The following TYW1B variants were observed in gnomAD, a reference collection of about 807,000 sequenced individuals.
TYW1B encodes S-adenosyl-L-methionine-dependent tRNA 4-demethylwyosine synthase TYW1B.
A neutral mutation model predicts 86.9 loss-of-function variants in TYW1B; 73 were observed. That is an observed-to-expected ratio of 0.84 (90% CI 0.70 to 1.02). The LOEUF is 1.02. Among genes scored for constraint, TYW1B ranks in the 50% least tolerant of loss-of-function variants. The pLI, the probability that TYW1B is intolerant of heterozygous loss-of-function variation, is 0.00. For synonymous variants in TYW1B, 248 were observed against 292.8 expected, an observed-to-expected ratio of 0.85 and a Z score of 1.56; for missense variants, 637 against 827.4, an observed-to-expected ratio of 0.77 and a Z score of 2.82.
In TYW1B at chr7:72,634,770, T is replaced by C. The variant is rs558637517; in HGVS notation, c.1507-5773A>G. On this transcript the variant is annotated intron_variant, in intron 11 of 13. Transcript: ENST00000620995. Reference sequence around the variant, plus strand: ...GCTGAGTTCATATGTTTTCTGGCTATCTGTATCTCTGTTTTTGTGAAGTAC... The same window carrying C: ...GCTGAGTTCATATGTTTTCTGGCTACCTGTATCTCTGTTTTTGTGAAGTAC... Among the ~76,000 whole-genome samples the C allele has an allele frequency of 3.3e-5, 5 of 152,324 alleles. No homozygotes were observed. In the East Asian group the frequency reaches 5.8e-4, roughly 18 times the overall value.
intron 7 of TYW1B, among the ~76,000 whole-genome samples, chr7:72,776,718 A>G (rs1282744781): frequency 2.6e-4 from 39 of 151,772 alleles, no homozygotes; most frequent in African/African-American, 8.7e-4. Flanking sequence ...GAAATAAAAA[A>G]GCAGATGAAA....
intron 12 of TYW1B, among the ~76,000 whole-genome samples, chr7:72,625,899 G>GGT (rs1432032673): frequency 2.4e-5 from 2 of 83,172 alleles, no homozygotes; most frequent in Admixed American, 2.4e-4. Context: ...GGTGGGGCGG[G>GGT]GGGGGGGGAA....
chr7:72,671,382 A>T (rs1554446325), intron 11 of TYW1B, among the ~76,000 whole-genome samples: 1 of 152,190 alleles, frequency 6.6e-6, no homozygotes, highest in Non-Finnish European at 1.5e-5. Flanking sequence ...CTGGCTCCTG[A>T]CTGATGGATA....
chr7:72,717,246 A>G (rs1370433797), intron 9 of TYW1B, among the ~76,000 whole-genome samples: 5 of 151,338 alleles, frequency 3.3e-5, no homozygotes, highest in Admixed American at 1.3e-4. Flanking sequence ...GGTTGCAGTG[A>G]GCTGAGACTG....
chr7:72,811,741 G>A (rs7798904), intron 3 of TYW1B, among the ~76,000 whole-genome samples: 103,162 of 150,690 alleles, frequency 0.68, 36,302 homozygotes, highest in Non-Finnish European at 0.76. Context: ...GTGAAACCCC[G>A]TCTCTACTAA....
intron 2 of TYW1B, among the ~76,000 whole-genome samples, chr7:72,821,031 G>A (rs1285744308): frequency 6.6e-6 from 1 of 152,184 alleles, no homozygotes; most frequent in Non-Finnish European, 1.5e-5. Context: ...GGAGTGCAGT[G>A]GCGCCATCTT....
At chr7:72,577,479 G>A (rs1313016613) in intron 13 of TYW1B, among the ~76,000 whole-genome samples, 1 of 152,144 alleles carries the variant, frequency 6.6e-6, no homozygotes, top group African/African-American at 2.4e-5. Context: ...TCCCTGAAGT[G>A]TTGTCTACTG....
intron 11 of TYW1B, among the ~76,000 whole-genome samples, chr7:72,632,387 C>CATAT (rs1812536848): frequency 2.7e-5 from 2 of 73,914 alleles, no homozygotes; most frequent in African/African-American, 1.6e-4. Context: ...TATATATATA[C>CATAT]GTATATATAT....
In TYW1B at chr7:72,828,127, G is replaced by T. The variant is rs1295894370; in HGVS notation, c.-52C>A. On this transcript the variant is annotated 5_prime_UTR_variant, in exon 1 of 14. Coordinates refer to ENST00000620995, the MANE Select transcript of TYW1B (RefSeq NM_001145440.3). Reference sequence around the variant, plus strand: ...GATCTCGGACCTGGAGAGCCCAAAGGTTCGCACTGGTACTGCGAGACGCAC... The same window carrying T: ...GATCTCGGACCTGGAGAGCCCAAAGTTTCGCACTGGTACTGCGAGACGCAC... The T allele has an allele frequency of 1.7e-5, 27 of 1,611,404 alleles. No individual in the cohort carries two copies. The South Asian group carries it at 2.7e-4, about 16-fold the overall frequency.
chr7:72,595,475 G>A (rs1220127322), intron 13 of TYW1B, among the ~76,000 whole-genome samples: 2 of 152,126 alleles, frequency 1.3e-5, no homozygotes, highest in Non-Finnish European at 2.9e-5. Flanking sequence ...CTTGAGCTCA[G>A]GAGTTTGAGG....
intron 9 of TYW1B, among the ~76,000 whole-genome samples, chr7:72,728,495 C>T (rs1787046000): frequency 1.3e-5 from 2 of 151,950 alleles, no homozygotes; most frequent in African/African-American, 2.4e-5. Context: ...TTAGTAGAGA[C>T]GGGGTTTCAC....
intron 13 of TYW1B, among the ~76,000 whole-genome samples, chr7:72,603,702 T>C (rs1811728965): frequency 6.6e-6 from 1 of 151,594 alleles, no homozygotes; most frequent in Non-Finnish European, 1.5e-5. Flanking sequence ...ATGCTGGCAG[T>C]AGGTGCGTGT....
At position 72,739,529 on chromosome 7, in the gene TYW1B, C is replaced by A. The variant is rs1454286576; in HGVS notation, c.1082+4955G>T. On this transcript the variant is annotated intron_variant, in intron 8 of 13. Coordinates refer to ENST00000620995, the MANE Select transcript of TYW1B (RefSeq NM_001145440.3). ...GCTGAGGCAGGAGAATGGCGTGAACCCGGGAGGCGGAGGTTGCAGTGAGCC... is the reference window on the plus strand; with the variant it reads ...GCTGAGGCAGGAGAATGGCGTGAACACGGGAGGCGGAGGTTGCAGTGAGCC... Among the ~76,000 whole-genome samples the A allele has an allele frequency of 3.3e-5, 5 of 151,252 alleles. No individual in the cohort carries two copies. In the South Asian group the frequency reaches 1.0e-3, roughly 32 times the overall value.
intron 11 of TYW1B, among the ~76,000 whole-genome samples, chr7:72,659,435 A>G (rs1255816872): frequency 6.6e-6 from 1 of 152,118 alleles, no homozygotes; most frequent in African/African-American, 2.4e-5. Flanking sequence ...AAAATGAGCC[A>G]GGCGTGGTGG....
At chr7:72,647,364 T>A (rs1160464784) in intron 11 of TYW1B, among the ~76,000 whole-genome samples, 2 of 152,186 alleles carry the variant, frequency 1.3e-5, no homozygotes, top group Admixed American at 1.3e-4. Context: ...ATGTAGCCTA[T>A]GGACATGATG....
chr7:72,779,712 C>CAAAAAAAAAA (rs58301724), intron 6 of TYW1B, among the ~76,000 whole-genome samples: 10 of 64,268 alleles, frequency 1.6e-4, no homozygotes, highest in Middle Eastern at 0.014. Context: ...GACTCTGCCT[C>CAAAAAAAAAA]AAAAAAAAAA....
In TYW1B at chr7:72,791,822, G is replaced by C. The variant is rs1221881815; in HGVS notation, c.846+10578C>G. Among the ~76,000 whole-genome samples, 4 of 152,126 alleles carry C rather than the reference G, an allele frequency of 2.6e-5. No individual in the cohort carries two copies. In the East Asian group the frequency reaches 7.7e-4, roughly 29 times the overall value. On this transcript the variant is annotated intron_variant, in intron 6 of 13. Coordinates refer to ENST00000620995, the MANE Select transcript of TYW1B (RefSeq NM_001145440.3). Reference sequence around the variant, plus strand: ...AATGGAACTTCCCAGGCATTGCCTTGTGCATGTCTTCCCTTAGCTGATTTT... The same window carrying C: ...AATGGAACTTCCCAGGCATTGCCTTCTGCATGTCTTCCCTTAGCTGATTTT...
intron 13 of TYW1B, among the ~76,000 whole-genome samples, chr7:72,581,519 G>A (rs554103118): frequency 1.1e-4 from 17 of 150,850 alleles, no homozygotes; most frequent in Admixed American, 8.6e-4. Flanking sequence ...GTGCAGTGGC[G>A]CAATCTCGGC....
chr7:72,786,865 G>T (rs2129572202), intron 6 of TYW1B, among the ~76,000 whole-genome samples: 1 of 152,158 alleles, frequency 6.6e-6, no homozygotes, highest in East Asian at 1.9e-4. Context: ...ATGAGCCACT[G>T]CGCCCTGCTA....
Sources: gnomAD v4.1 joint callset for allele counts (sites outside exome capture counted in the v4.1 genomes callset) on GRCh38, gnomAD v4.1.1 for gene constraint, MANE v1.5 for transcripts, NCBI Gene and HGNC (gene_info 2026-07-23, HGNC 2026-07-21) for gene names.